HMCN1: variants seen among roughly 807,000 people sequenced by gnomAD.
The protein encoded by HMCN1 is hemicentin 1, also known as hemicentin-1.
In HMCN1, 321 loss-of-function variants were observed where a neutral mutation model predicts 625.9. The observed-to-expected ratio is 0.51, with a 90% CI of 0.47 to 0.56. The LOEUF is 0.56. Ranked by LOEUF, HMCN1 falls within the 20% of genes least tolerant of loss-of-function variation. The pLI, the probability that HMCN1 is intolerant of heterozygous loss-of-function variation, is 0.00. For missense variants in HMCN1, 6,588 were observed against 6,887.3 expected (o/e 0.96, Z 1.54); for synonymous variants, 2,425 against 2,417.6 (o/e 1.00, Z -0.09).
At chr1:185,803,832 A>G (rs762692773) in intron 1 of HMCN1, among the ~76,000 whole-genome samples, 15 of 152,236 alleles carry the variant, frequency 9.9e-5, no homozygotes, top group Non-Finnish European at 1.9e-4. Context: ...AGGCATTGGA[A>G]GAGATTATAT....
intron 11 of HMCN1, among the ~76,000 whole-genome samples, chr1:185,953,739 C>T (rs528396641): frequency 1.1e-4 from 16 of 151,854 alleles, no homozygotes; most frequent in African/African-American, 3.9e-4. Flanking sequence ...GGGAGGTCCC[C>T]CGATCCGAGT....
chr1:186,094,256 T>G lies in HMCN1; in HGVS notation c.10197-20T>G. On this transcript the variant is annotated intron_variant, in intron 66 of 106. Coordinates refer to ENST00000271588, the MANE Select transcript of HMCN1 (RefSeq NM_031935.3). The stretch of plus-strand genomic sequence containing the variant: ...TTGTATGGGAGCAAGTGATGAAATG[T>G]GGATCAAATTGTTTCTCAGGATTGT... 1 of 1,574,466 alleles carries G rather than the reference T, an allele frequency of 6.4e-7. No homozygotes were observed. The highest frequency in any genetic ancestry group is 8.7e-7 in the Non-Finnish European group (1 of 1,144,242).
chr1:186,066,280 T>C (rs1252491086), intron 49 of HMCN1, among the ~76,000 whole-genome samples: 1 of 143,528 alleles, frequency 7.0e-6, no homozygotes, highest in Non-Finnish European at 1.5e-5. Context: ...TATATATATG[T>C]TCATTCATTC....
intron 63 of HMCN1, 73 bp downstream of exon 63, chr1:186,088,828 T>A: frequency 7.1e-7 from 1 of 1,412,184 alleles, no homozygotes; most frequent in Non-Finnish European, 9.8e-7. Flanking sequence ...AATCTACATT[T>A]AAAGGTATCA....
intron 97 of HMCN1, among the ~76,000 whole-genome samples, chr1:186,161,027 G>A (rs1651430418): frequency 6.6e-6 from 1 of 152,168 alleles, no homozygotes; most frequent in Admixed American, 6.5e-5. Flanking sequence ...GGGTGTTAAA[G>A]TCTCCCATTA....
In HMCN1 at chr1:186,171,422, G is replaced by A. The variant is rs757169070; in HGVS notation, c.15660G>A (p.Gly5220=). 3.1e-6 allele frequency: 5 copies of A among 1,613,312 alleles called. No individual in the cohort carries two copies. In the Admixed American group the frequency reaches 6.7e-5, roughly 22 times the overall value. ...IGSFHCGCEP[G]YQLKGRKCMD... is the part of the protein sequence containing the mutation. ...GTTTCCATTGTGGATGTGAACCTGG[G>A]TATCAGCTCAAAGGCAGAAAATGCA... Residue 5220 remains glycine, a synonymous_variant, in exon 101 of 107, where the codon GGG becomes GGA. Coordinates refer to ENST00000271588, the MANE Select transcript of HMCN1 (RefSeq NM_031935.3).
intron 10 of HMCN1, among the ~76,000 whole-genome samples, chr1:185,931,359 C>T (rs1667540394): frequency 6.6e-6 from 1 of 152,150 alleles, no homozygotes; most frequent in Non-Finnish European, 1.5e-5. Context: ...ATCTTGGCCT[C>T]CTTCACAAAC....
chr1:185,933,941 T>G, intron 11 of HMCN1, 117 bp downstream of exon 11: 1 of 890,566 alleles, frequency 1.1e-6, no homozygotes, highest in Non-Finnish European at 1.9e-6. Flanking sequence ...TAATTACAGT[T>G]TTAAGTGATA....
chr1:185,964,198 TAATA>T (rs1280049183), intron 13 of HMCN1, among the ~76,000 whole-genome samples: 3 of 152,134 alleles, frequency 2.0e-5, no homozygotes, highest in African/African-American at 7.2e-5. Flanking sequence ...ACTTTTAAAT[TAATA>T]AATTCTATTT....
At chr1:185,925,953 C>T (rs1002176995) in intron 9 of HMCN1, among the ~76,000 whole-genome samples, 15 of 152,146 alleles carry the variant, frequency 9.9e-5, no homozygotes, top group Middle Eastern at 3.2e-3. Context: ...AGGTGAGTGA[C>T]AGGTGGGTCA....
chr1:186,106,894 C>T lies in HMCN1; in HGVS notation c.10781C>T (p.Thr3594Ile). Residue 3594 changes from threonine to isoleucine, a missense_variant, in exon 70 of 107, where the codon ACA becomes ATA. Physicochemically the swap from Thr to Ile is moderately conservative, Grantham distance 89. This residue lies in a region of HMCN1 where 4,628 missense variants were observed against 4,853.1 expected (regional missense o/e 0.95). Coordinates refer to ENST00000271588, the MANE Select transcript of HMCN1 (RefSeq NM_031935.3). ...ATTTGGGTTTTGTAGGTGGAGGATA[C>T]AGGAAGATATACATGTCTGGCATCC... Reference protein sequence around the residue: ...LRISTAQVEDTGRYTCLASSP... With the variant: ...LRISTAQVEDIGRYTCLASSP... The T allele has an allele frequency of 1.2e-6, 2 of 1,607,578 alleles. No homozygotes were observed. The highest frequency in any genetic ancestry group is 1.7e-6 in the Non-Finnish European group (2 of 1,174,124).
intron 11 of HMCN1, among the ~76,000 whole-genome samples, chr1:185,960,205 T>G (rs1219691669): frequency 2.7e-5 from 4 of 149,732 alleles, no homozygotes; most frequent in Non-Finnish European, 1.5e-5. Flanking sequence ...CTTGGCTCAC[T>G]GCAACCTCTG....
At position 186,172,133 on chromosome 1, in the gene HMCN1, T is replaced by G. The variant is rs1460603133; in HGVS notation, c.15814+2T>G. On this transcript the variant is annotated splice_donor_variant, in intron 102 of 106. Transcript: ENST00000271588. LOFTEE classifies it high-confidence loss of function. ...AGGCAGAAAATGGAACCTGTATTGGTGAGTGTCTGGCTGTTTCCGTGACTG... is the reference window on the plus strand; with the variant it reads ...AGGCAGAAAATGGAACCTGTATTGGGGAGTGTCTGGCTGTTTCCGTGACTG... 6.2e-7 allele frequency: 1 copy of G among 1,613,490 alleles called. No homozygotes were observed. Among genetic ancestry groups the G allele is most frequent in the Non-Finnish European group, 8.5e-7 (1 of 1,179,618 alleles).
intron 27 of HMCN1, 65 bp downstream of exon 27, chr1:186,001,493 G>A: frequency 2.5e-6 from 4 of 1,599,770 alleles, no homozygotes; most frequent in Non-Finnish European, 3.4e-6. Context: ...TTGTTCAGAT[G>A]TTCATTTCTT....
chr1:186,145,493 A>T lies in HMCN1; in HGVS notation c.14357A>T (p.Asn4786Ile). 1 of 1,613,702 alleles carries T rather than the reference A, an allele frequency of 6.2e-7. No individual in the cohort carries two copies. Among genetic ancestry groups the T allele is most frequent in the East Asian group, 2.2e-5 (1 of 44,860 alleles). Residue 4786 changes from asparagine (N) to isoleucine (I), a missense_variant, in exon 92 of 107, where the codon AAC becomes ATC. This residue lies in a region of HMCN1 where 1,954 missense variants were observed against 2,013.1 expected (regional missense o/e 0.97). Transcript: ENST00000271588. ...GQMRRYRTCD[N>I]PPPSNGGRAC... ...ATGCGGCGGTACCGCACATGTGATA[A>T]CCCTCCTCCCTCCAATGGGGGAAGA...
intron 35 of HMCN1, among the ~76,000 whole-genome samples, chr1:186,021,191 A>G (rs1654696728): frequency 6.6e-6 from 1 of 152,186 alleles, no homozygotes; most frequent in Non-Finnish European, 1.5e-5. Context: ...TTGAGGAAAG[A>G]TTCTTTATGA....
intron 1 of HMCN1, among the ~76,000 whole-genome samples, chr1:185,746,971 G>T (rs1480053679): frequency 6.6e-6 from 1 of 152,216 alleles, no homozygotes; most frequent in South Asian, 2.1e-4. Flanking sequence ...CTCCAATGTG[G>T]TCGCCTCTTA....
intron 8 of HMCN1, among the ~76,000 whole-genome samples, chr1:185,924,046 G>A (rs1463965827): frequency 6.6e-6 from 1 of 152,088 alleles, no homozygotes; most frequent in Admixed American, 6.5e-5. Flanking sequence ...AACAACAGGT[G>A]ATCACTGCCT....
intron 9 of HMCN1, among the ~76,000 whole-genome samples, chr1:185,927,046 T>A (rs1170309247): frequency 6.6e-6 from 1 of 152,236 alleles, no homozygotes; most frequent in Non-Finnish European, 1.5e-5. Flanking sequence ...AAACTGGTTG[T>A]ATGTCTTTGG....
Sources: allele counts gnomAD v4.1 joint callset (sites outside exome capture counted in the v4.1 genomes callset), GRCh38; gene constraint gnomAD v4.1.1; regional missense constraint gnomAD v4.1.1; transcripts MANE v1.5; gene names NCBI Gene and HGNC (gene_info 2026-07-23, HGNC 2026-07-21).